The following DIP2C variants were observed in gnomAD, a reference collection of about 807,000 sequenced individuals.
DIP2C encodes DIP2 acetate--CoA ligase C (putative).
DIP2C carries 33 observed loss-of-function variants against 192.4 expected under a neutral mutation model. The observed-to-expected ratio is 0.17, with a 90% CI of 0.13 to 0.23. DIP2C has a LOEUF of 0.23. Among genes scored for constraint, DIP2C ranks in the 10% least tolerant of loss-of-function variants. The pLI is 1.00. For synonymous variants in DIP2C, 979 were observed against 864.1 expected (o/e 1.13, Z -2.33); for missense variants, 1,537 against 2,110.1 (o/e 0.73, Z 5.32).
intron 1 of DIP2C, among the ~76,000 whole-genome samples, chr10:524,292 G>T (rs1409833923): frequency 1.3e-5 from 2 of 152,134 alleles, no homozygotes; most frequent in African/African-American, 4.8e-5. Flanking sequence ...GTGAGGCCTG[G>T]AACGCGGGAG....
At chr10:356,584 T>C (rs1255712868) in intron 23 of DIP2C, 78 bp from the exon 24 acceptor site, 1 of 1,232,356 alleles carries the variant, frequency 8.1e-7, no homozygotes, top group Non-Finnish European at 1.2e-6. Flanking sequence ...GCAACCTGGA[T>C]ACTCAAACCC....
chr10:518,129 A>T (rs1382116466), intron 1 of DIP2C, among the ~76,000 whole-genome samples: 2 of 152,228 alleles, frequency 1.3e-5, no homozygotes, highest in Non-Finnish European at 2.9e-5. Flanking sequence ...GTCTCTGCAC[A>T]GTCACAGGCA....
intron 18 of DIP2C, among the ~76,000 whole-genome samples, chr10:368,420 G>A (rs1019028233): frequency 6.6e-6 from 1 of 152,228 alleles, no homozygotes; most frequent in African/African-American, 2.4e-5. Context: ...CAGCTGGGAG[G>A]CAGGGAGTGG....
chr10:355,815 G>A (rs558013680), intron 24 of DIP2C, among the ~76,000 whole-genome samples: 4 of 152,042 alleles, frequency 2.6e-5, no homozygotes, highest in East Asian at 1.9e-4. Flanking sequence ...GGTGACTCAC[G>A]CCTGTAATCC....
At chr10:333,222 G>A (rs529543681) in intron 29 of DIP2C, among the ~76,000 whole-genome samples, 7 of 152,106 alleles carry the variant, frequency 4.6e-5, no homozygotes, top group East Asian at 1.9e-4. Context: ...TAAAACACCC[G>A]TCGGCTTTAT....
chr10:384,924 C>T (rs564080296), intron 14 of DIP2C, among the ~76,000 whole-genome samples: 72 of 151,374 alleles, frequency 4.8e-4, no homozygotes, highest in African/African-American at 1.4e-3. Flanking sequence ...GGGAGCGCCG[C>T]GGACACCAGG....
intron 11 of DIP2C, 51 bp downstream of exon 11, chr10:390,689 C>A (rs903348908): frequency 6.3e-7 from 1 of 1,586,410 alleles, no homozygotes; most frequent in African/African-American, 1.4e-5. Flanking sequence ...CCGCACCCGT[C>A]TTCTGACAAA....
chr10:542,296 C>T (rs1346921826), intron 1 of DIP2C, among the ~76,000 whole-genome samples: 1 of 152,226 alleles, frequency 6.6e-6, no homozygotes, highest in East Asian at 1.9e-4. Flanking sequence ...AAGCATGGTG[C>T]AGTGCCCAGA....
intron 2 of DIP2C, among the ~76,000 whole-genome samples, chr10:476,318 G>A (rs748888697): frequency 5.3e-5 from 8 of 152,276 alleles, no homozygotes; most frequent in Middle Eastern, 3.4e-3. Flanking sequence ...CTCCGGGGAC[G>A]GGAGATCCCA....
At chr10:420,053 T>TC (rs1262854661) in intron 5 of DIP2C, among the ~76,000 whole-genome samples, 1 of 152,154 alleles carries the variant, frequency 6.6e-6, no homozygotes, top group Non-Finnish European at 1.5e-5. Flanking sequence ...TGAATCCTCC[T>TC]CTGATGGAAG....
At chr10:579,355 T>G (rs1370187695) in intron 1 of DIP2C, among the ~76,000 whole-genome samples, 3 of 151,638 alleles carry the variant, frequency 2.0e-5, no homozygotes, top group African/African-American at 7.3e-5. Context: ...CACACCCAAA[T>G]GTAGTGTACA....
chr10:541,544 A>C (rs1335631467), intron 1 of DIP2C, among the ~76,000 whole-genome samples: 8 of 122,424 alleles, frequency 6.5e-5, no homozygotes, highest in African/African-American at 2.2e-4. Flanking sequence ...CCTCGACCCC[A>C]CAGTGTGACC....
At chr10:354,782 T>C (rs797009808) in intron 24 of DIP2C, among the ~76,000 whole-genome samples, 15 of 151,924 alleles carry the variant, frequency 9.9e-5, no homozygotes, top group African/African-American at 3.6e-4. Flanking sequence ...CTGGAGTTAG[T>C]GCTGCAGATT....
intron 1 of DIP2C, among the ~76,000 whole-genome samples, chr10:625,252 C>T (rs531190113): frequency 4.3e-4 from 65 of 152,312 alleles, no homozygotes; most frequent in Middle Eastern, 3.4e-3. Context: ...CCTCCTCCCC[C>T]GCCGCTTCCC....
At chr10:537,613 T>C (rs1477251806) in intron 1 of DIP2C, among the ~76,000 whole-genome samples, 1 of 150,678 alleles carries the variant, frequency 6.6e-6, no homozygotes, top group Non-Finnish European at 1.5e-5. Flanking sequence ...GACACGGGTA[T>C]CACCCATGTT....
chr10:624,986 C>T (rs768521555), intron 1 of DIP2C, among the ~76,000 whole-genome samples: 13 of 152,182 alleles, frequency 8.5e-5, no homozygotes, highest in East Asian at 3.9e-4. Flanking sequence ...TGGCCGGCGG[C>T]GCAACCTTGG....
chr10:463,989 T>G (rs1208498670), intron 3 of DIP2C, among the ~76,000 whole-genome samples: 1 of 152,102 alleles, frequency 6.6e-6, no homozygotes, highest in African/African-American at 2.4e-5. Flanking sequence ...TATACAAAAA[T>G]TAACTCAAAT....
intron 1 of DIP2C, among the ~76,000 whole-genome samples, chr10:504,010 A>G (rs933313846): frequency 6.6e-6 from 1 of 152,164 alleles, no homozygotes; most frequent in Non-Finnish European, 1.5e-5. Flanking sequence ...ACTGCTTTCA[A>G]CTTCTGGGTT....
At chr10:674,789 T>TATATATATAG in intron 1 of DIP2C, among the ~76,000 whole-genome samples, 1,494 of 62,432 alleles carry the variant, frequency 0.024, 54 homozygotes, top group Middle Eastern at 0.036. Flanking sequence ...TATATATATA[T>TATATATATAG]AGAGAGAGAG....
Sources: allele counts gnomAD v4.1 joint callset (sites outside exome capture counted in the v4.1 genomes callset), GRCh38; gene constraint gnomAD v4.1.1; transcripts MANE v1.5; gene names NCBI Gene and HGNC (gene_info 2026-07-23, HGNC 2026-07-21).